The following PCDHGA8 variants were observed in gnomAD, a reference collection of about 807,000 sequenced individuals.
The protein encoded by PCDHGA8 is protocadherin gamma-A8.
A neutral mutation model predicts 59.2 loss-of-function variants in PCDHGA8; 45 were observed. The observed-to-expected ratio is 0.76, with a 90% CI of 0.60 to 0.98. The LOEUF is 0.98. Ranked by LOEUF, PCDHGA8 falls within the 50% of genes least tolerant of loss-of-function variation. The probability of loss-of-function intolerance (pLI) is 0.00; values close to 1 mark genes in which losing one functional copy is unlikely to be tolerated. For synonymous variants in PCDHGA8, 531 were observed against 519.0 expected (o/e 1.02, Z -0.32); for missense variants, 1,257 against 1,196.2 (o/e 1.05, Z -0.75).
chr5:141,501,618 T>G (rs1307485559), intron 2 of PCDHGA8, among the ~76,000 whole-genome samples: 2 of 152,068 alleles, frequency 1.3e-5, no homozygotes, highest in African/African-American at 4.8e-5. Flanking sequence ...GTGACTCTGG[T>G]ATAGTCTCTC....
At chr5:141,459,814 T>C (rs757306281) in intron 1 of PCDHGA8, among the ~76,000 whole-genome samples, 1 of 152,256 alleles carries the variant, frequency 6.6e-6, no homozygotes, top group African/African-American at 2.4e-5. Flanking sequence ...CTAGAGACAC[T>C]GAGCAACTTT....
rs2099183566 is a variant in PCDHGA8, at chr5:141,468,861, A to G, written c.2425-25946A>G. 3.9e-5 allele frequency among the ~76,000 whole-genome samples: 6 copies of G among 152,168 alleles called. No homozygotes were observed. In the South Asian group the frequency reaches 1.2e-3, roughly 32 times the overall value. On this transcript the variant is annotated intron_variant, in intron 1 of 3. Coordinates refer to ENST00000398604, the MANE Select transcript of PCDHGA8 (RefSeq NM_032088.2). ...AGCCTGGGCAACAGAGCGAGACTCCATCTCAAAAATAATAATAATAATAAT... is the reference window on the plus strand; with the variant it reads ...AGCCTGGGCAACAGAGCGAGACTCCGTCTCAAAAATAATAATAATAATAAT...
chr5:141,449,497 G>A (rs903338878), intron 1 of PCDHGA8, among the ~76,000 whole-genome samples: 4 of 149,856 alleles, frequency 2.7e-5, no homozygotes, highest in African/African-American at 9.9e-5. Flanking sequence ...GGTGAGGCAT[G>A]AGAAATGCTT....
In PCDHGA8 at chr5:141,493,233, G is replaced by T. The variant is rs1335823475; in HGVS notation, c.2425-1574G>T. ...TTTGCTCTTCCCACCATTGCTGTTG[G>T]CTAGGTACTAACATGCCTCTCTTAT... is the stretch of plus-strand genomic sequence containing the variant. On this transcript the variant is annotated intron_variant, in intron 1 of 3. Coordinates refer to ENST00000398604, the MANE Select transcript of PCDHGA8 (RefSeq NM_032088.2). This position sits in a 1 kb window ranked among gnomAD's most constrained non-coding sequence, Gnocchi z 4.3. 6.6e-6 allele frequency among the ~76,000 whole-genome samples: 1 copy of T among 152,172 alleles called. No homozygotes were observed. The highest frequency in any genetic ancestry group is 2.1e-4 in the South Asian group (1 of 4,828).
intron 1 of PCDHGA8, chr5:141,416,166 T>C (rs2096001393): frequency 6.5e-6 from 1 of 152,744 alleles, no homozygotes; most frequent in Admixed American, 6.5e-5. Flanking sequence ...CAGTTGAATA[T>C]ACTAAGTTTT....
At chr5:141,395,264 A>G in intron 1 of PCDHGA8, 27 bp downstream of exon 1, 1 of 1,549,832 alleles carries the variant, frequency 6.5e-7, no homozygotes, top group Non-Finnish European at 8.7e-7. Flanking sequence ...GCTTGCTTTT[A>G]ATTTCCAGAT....
intron 1 of PCDHGA8, chr5:141,414,817 A>C: frequency 6.2e-7 from 1 of 1,614,214 alleles, no homozygotes; most frequent in Non-Finnish European, 8.5e-7. Context: ...TCCACTCAGC[A>C]GCAACGTGTC....
At chr5:141,395,560 G>T (rs868147032) in intron 1 of PCDHGA8, 1 of 206,840 alleles carries the variant, frequency 4.8e-6, no homozygotes, top group South Asian at 1.4e-4. Context: ...GTGTGTGTGT[G>T]TGTGTGTGTG....
chr5:141,431,984 G>A lies in PCDHGA8; in HGVS notation c.2424+36747G>A, dbSNP rs758365921. 2 of 1,614,220 alleles carry A rather than the reference G, an allele frequency of 1.2e-6. No individual in the cohort carries two copies. The highest frequency in any genetic ancestry group is 2.2e-5 in the South Asian group (2 of 91,086). On this transcript the variant is annotated intron_variant, in intron 1 of 3. Transcript: ENST00000398604. The surrounding 1 kb of genome is among the most constrained non-coding windows in gnomAD (Gnocchi z 4.8). ...TTACTATAGTTTAGTCACAGACATAGTCTTGGATAGGGAACAGGTTCCTAG... is the reference window on the plus strand; with the variant it reads ...TTACTATAGTTTAGTCACAGACATAATCTTGGATAGGGAACAGGTTCCTAG...
At chr5:141,438,996 A>G (rs2098080427) in intron 1 of PCDHGA8, among the ~76,000 whole-genome samples, 1 of 151,634 alleles carries the variant, frequency 6.6e-6, no homozygotes, top group African/African-American at 2.4e-5. Flanking sequence ...AAGGCTAAGG[A>G]CCTGGTTTGT....
intron 1 of PCDHGA8, chr5:141,421,947 C>T: frequency 6.2e-7 from 1 of 1,613,118 alleles, no homozygotes; most frequent in African/African-American, 1.3e-5. Context: ...ATGATCACAT[C>T]CCAATGTTTA....
chr5:141,431,273 C>T lies in PCDHGA8; in HGVS notation c.2424+36036C>T, dbSNP rs752219345. 54 of 1,614,068 alleles carry T rather than the reference C, an allele frequency of 3.3e-5. No individual in the cohort carries two copies. Among genetic ancestry groups the T allele is most frequent in the Non-Finnish European group, 4.1e-5 (48 of 1,180,052 alleles). On this transcript the variant is annotated intron_variant, in intron 1 of 3. Transcript: ENST00000398604. The surrounding 1 kb of genome is among the most constrained non-coding windows in gnomAD (Gnocchi z 4.8). Reference sequence around the variant, plus strand: ...GAAGAACTCTCTGCAGAGCTACGAGCTCAGCCCGAACACTCACTTCTCCCT... The same window carrying T: ...GAAGAACTCTCTGCAGAGCTACGAGTTCAGCCCGAACACTCACTTCTCCCT...
intron 1 of PCDHGA8, chr5:141,422,174 A>G (rs763681065): frequency 5.1e-6 from 8 of 1,564,176 alleles, no homozygotes; most frequent in African/African-American, 2.8e-5. Flanking sequence ...TATAGATTCT[A>G]TGAGATGGAA....
rs1326296096 is a variant in PCDHGA8, at chr5:141,505,460, A to G, written c.2551A>G (p.Met851Val). The change falls in exon 3 of 4, where the codon ATG becomes GTG. Residue 851 changes from methionine to valine, a missense_variant. Transcript: ENST00000398604. Reference protein sequence around the residue: ...NQFDTEMLQAMILASASEAAD... With the variant: ...NQFDTEMLQAVILASASEAAD... ...GTTTGACACAGAGATGCTGCAAGCC[A>G]TGATCTTGGCGTCCGCCAGTGGTAA... 2 of 1,614,070 alleles carry G rather than the reference A, an allele frequency of 1.2e-6. No homozygotes were observed. The highest frequency in any genetic ancestry group is 1.3e-5 in the African/African-American group (1 of 74,942).
At chr5:141,437,338 C>T (rs1328789308) in intron 1 of PCDHGA8, among the ~76,000 whole-genome samples, 1 of 152,196 alleles carries the variant, frequency 6.6e-6, no homozygotes, top group Non-Finnish European at 1.5e-5. Flanking sequence ...TGTAGCTTCA[C>T]TGTTTTATAG....
At chr5:141,449,080 A>G (rs2098627421) in intron 1 of PCDHGA8, among the ~76,000 whole-genome samples, 1 of 152,198 alleles carries the variant, frequency 6.6e-6, no homozygotes, top group Non-Finnish European at 1.5e-5. Context: ...CCCTGTACCT[A>G]CATCAGTTTT....
At position 141,431,274 on chromosome 5, in the gene PCDHGA8, TC is replaced by T. The variant is rs767658803; in HGVS notation, c.2424+36038del. On this transcript the variant is annotated intron_variant, in intron 1 of 3. Transcript: ENST00000398604. The surrounding 1 kb of genome is among the most constrained non-coding windows in gnomAD (Gnocchi z 4.8). ...AAGAACTCTCTGCAGAGCTACGAGC[TC>T]AGCCCGAACACTCACTTCTCCCTCA... 6 of 1,614,128 alleles carry T rather than the reference TC, an allele frequency of 3.7e-6. No homozygotes were observed. Among genetic ancestry groups the T allele is most frequent in the Non-Finnish European group, 5.1e-6 (6 of 1,180,024 alleles).
At chr5:141,478,087 C>T in intron 1 of PCDHGA8, 1 of 1,614,134 alleles carries the variant, frequency 6.2e-7, no homozygotes, top group East Asian at 2.2e-5. Flanking sequence ...CTTCGCTCTC[C>T]ACCACTGCTA....
intron 3 of PCDHGA8, among the ~76,000 whole-genome samples, chr5:141,510,591 A>G (rs1050708244): frequency 6.6e-6 from 1 of 152,176 alleles, no homozygotes; most frequent in Non-Finnish European, 1.5e-5. Flanking sequence ...TACCTGACAT[A>G]CATTTTCTTA....
Sources: allele counts gnomAD v4.1 joint callset (sites outside exome capture counted in the v4.1 genomes callset), GRCh38; gene constraint gnomAD v4.1.1; non-coding constraint Gnocchi (gnomAD v3.1); transcripts MANE v1.5; gene names NCBI Gene and HGNC (gene_info 2026-07-23, HGNC 2026-07-21).